The following CADM2 variants were observed in gnomAD, a reference collection of about 807,000 sequenced individuals.
The protein encoded by CADM2 is cell adhesion molecule 2, also known as immunoglobulin superfamily member 4D.
Under a neutral mutation model 49.8 loss-of-function variants are expected in CADM2, and 12 were observed. That is an observed-to-expected ratio of 0.24 (90% CI 0.15 to 0.39). The LOEUF (loss-of-function observed/expected upper bound fraction) is 0.39, where lower values mean the gene tolerates loss of function less well. Among genes scored for constraint, CADM2 ranks in the 10% least tolerant of loss-of-function variants. CADM2 has a pLI of 1.00. For synonymous variants in CADM2, 214 were observed against 175.4 expected (o/e 1.22, Z -1.74); for missense variants, 378 against 492.3 (o/e 0.77, Z 2.20).
At chr3:85,712,520 C>T (rs1192579657) in intron 1 of CADM2, among the ~76,000 whole-genome samples, 10 of 152,156 alleles carry the variant, frequency 6.6e-5, no homozygotes, top group Admixed American at 6.6e-4. Context: ...AAGATGCTGT[C>T]AGTATACCTA....
intron 1 of CADM2, among the ~76,000 whole-genome samples, chr3:85,691,171 T>C (rs1204190910): frequency 6.6e-6 from 1 of 152,190 alleles, no homozygotes; most frequent in Admixed American, 6.5e-5. Context: ...AATGAGATCA[T>C]GCAACATTTG....
At chr3:85,730,060 TTCTTAATGGCCCTCTCA>T (rs1247428181) in intron 2 of CADM2, among the ~76,000 whole-genome samples, 1 of 152,244 alleles carries the variant, frequency 6.6e-6, no homozygotes, top group Non-Finnish European at 1.5e-5. Context: ...TAACTTCTCT[TTCTTAATGGCCCTCTCA>T]TCCAATTAAT....
intron 7 of CADM2, among the ~76,000 whole-genome samples, chr3:85,959,209 G>A (rs1724510975): frequency 6.6e-6 from 1 of 151,224 alleles, no homozygotes. Context: ...GCGAGATGAG[G>A]AGATGGATAG....
intron 5 of CADM2, among the ~76,000 whole-genome samples, chr3:85,890,811 G>T (rs184783980): frequency 6.6e-6 from 1 of 152,030 alleles, no homozygotes. Context: ...CATCATATGT[G>T]TTTGGGACAA....
At position 85,985,272 on chromosome 3, in the gene CADM2, G is replaced by A. The variant is rs1727953388; in HGVS notation, c.970+23625G>A. ...CCATGTGTCCTCACATTGTGCAAGGGGCAGAGCAGCTCTCTGGAGCCTCTT... is the reference window on the plus strand; with the variant it reads ...CCATGTGTCCTCACATTGTGCAAGGAGCAGAGCAGCTCTCTGGAGCCTCTT... On this transcript the variant is annotated intron_variant, in intron 8 of 9. Coordinates refer to ENST00000383699, the MANE Select transcript of CADM2 (RefSeq NM_001167675.2). 2.0e-5 allele frequency among the ~76,000 whole-genome samples: 3 copies of A among 151,898 alleles called. No individual in the cohort carries two copies. In the Admixed American group the frequency reaches 2.0e-4, roughly 10 times the overall value.
rs181887701 is a variant in CADM2 at position 85,796,494 on chromosome 3, C to T, written c.89-5553C>T. Among the ~76,000 whole-genome samples, 376 of 152,262 alleles carry T rather than the reference C, an allele frequency of 2.5e-3. 1 individual carries two copies. Among genetic ancestry groups the T allele is most frequent in the African/African-American group, 8.8e-3 (364 of 41,544 alleles). Reference sequence around the variant, plus strand: ...GGAATTTATTCCAGACATTTTCTAACCTCAATTTAAAAACTCCACCCTAAA... The same window carrying T: ...GGAATTTATTCCAGACATTTTCTAATCTCAATTTAAAAACTCCACCCTAAA... On this transcript the variant is annotated intron_variant, in intron 2 of 9. Transcript: ENST00000383699.
chr3:85,257,275 G>A (rs1428364490), intron 1 of CADM2, among the ~76,000 whole-genome samples: 1 of 151,990 alleles, frequency 6.6e-6, no homozygotes, highest in Non-Finnish European at 1.5e-5. Flanking sequence ...CTGATGTGAG[G>A]TGAAAAAACA....
chr3:85,772,853 A>G (rs2070161889), intron 2 of CADM2, among the ~76,000 whole-genome samples: 1 of 150,316 alleles, frequency 6.7e-6, no homozygotes, highest in South Asian at 2.1e-4. Context: ...ACAGTAACTC[A>G]GATCTCCTTT....
intron 1 of CADM2, among the ~76,000 whole-genome samples, chr3:85,301,840 A>C (rs2044109176): frequency 6.6e-6 from 1 of 152,206 alleles, no homozygotes; most frequent in African/African-American, 2.4e-5. Flanking sequence ...CCATATTAAA[A>C]ATGACTCTCC....
chr3:86,009,916 TAACAC>T (rs1461248864), intron 8 of CADM2, among the ~76,000 whole-genome samples: 1 of 151,866 alleles, frequency 6.6e-6, no homozygotes, highest in Non-Finnish European at 1.5e-5. Flanking sequence ...ATTTTGGGGG[TAACAC>T]AACACAATTT....
At chr3:85,163,059 T>C (rs947432055) in intron 1 of CADM2, among the ~76,000 whole-genome samples, 2 of 152,110 alleles carry the variant, frequency 1.3e-5, no homozygotes, top group African/African-American at 2.4e-5. Context: ...GAAATAGTTA[T>C]ATGTAATGCT....
chr3:85,898,901 T>A (rs543189718), intron 5 of CADM2, among the ~76,000 whole-genome samples: 276 of 140,546 alleles, frequency 2.0e-3, no homozygotes, highest in African/African-American at 6.9e-3. Flanking sequence ...TTCCAAAATG[T>A]TTGTACTACT....
intron 1 of CADM2, among the ~76,000 whole-genome samples, chr3:84,970,598 C>T (rs2031358830): frequency 6.6e-6 from 1 of 151,778 alleles, no homozygotes; most frequent in South Asian, 2.1e-4. Context: ...TACCTGAATG[C>T]CAGGTGCGGA....
At chr3:85,552,698 A>G (rs2061842680) in intron 1 of CADM2, among the ~76,000 whole-genome samples, 1 of 142,420 alleles carries the variant, frequency 7.0e-6, no homozygotes, top group African/African-American at 2.6e-5. Context: ...GTTTTCTGAG[A>G]CAGAGCCTCA....
intron 1 of CADM2, among the ~76,000 whole-genome samples, chr3:85,312,675 T>G (rs1047553163): frequency 3.9e-5 from 6 of 152,156 alleles, no homozygotes; most frequent in Non-Finnish European, 7.3e-5. Context: ...AGGCTTAAAT[T>G]AATGTAATTA....
At chr3:85,768,545 G>C (rs1024808876) in intron 2 of CADM2, among the ~76,000 whole-genome samples, 15 of 148,288 alleles carry the variant, frequency 1.0e-4, no homozygotes, top group African/African-American at 3.7e-4. Context: ...AAAACTTCTT[G>C]GCTAAATTGA....
intron 1 of CADM2, among the ~76,000 whole-genome samples, chr3:85,140,299 T>C (rs1228170106): frequency 6.6e-6 from 1 of 152,212 alleles, no homozygotes; most frequent in African/African-American, 2.4e-5. Flanking sequence ...TTAAATTCTT[T>C]CTTAACAAAT....
At chr3:85,069,638 A>G (rs903807038) in intron 1 of CADM2, among the ~76,000 whole-genome samples, 2 of 152,142 alleles carry the variant, frequency 1.3e-5, no homozygotes, top group Non-Finnish European at 2.9e-5. Context: ...GTTGTCATCA[A>G]TATTTGTAAT....
chr3:85,557,367 C>T (rs1267131853), intron 1 of CADM2, among the ~76,000 whole-genome samples: 1 of 151,672 alleles, frequency 6.6e-6, no homozygotes, highest in Admixed American at 6.6e-5. Flanking sequence ...ATAAAATAAA[C>T]AACTAACAGT....
Sources: gnomAD v4.1 joint callset for allele counts (sites outside exome capture counted in the v4.1 genomes callset) on GRCh38, gnomAD v4.1.1 for gene constraint, MANE v1.5 for transcripts, NCBI Gene and HGNC (gene_info 2026-07-23, HGNC 2026-07-21) for gene names.